PCDH15: variants seen among roughly 807,000 people sequenced by gnomAD.
PCDH15 encodes the protein protocadherin-15.
In PCDH15, 129 loss-of-function variants were observed where a neutral mutation model predicts 178.5. That is an observed-to-expected ratio of 0.72 (90% CI 0.63 to 0.84). PCDH15 has a LOEUF of 0.84. PCDH15 is among the 40% of genes least tolerant of loss of function. The pLI is 0.00. For missense variants in PCDH15, 2,230 were observed against 2,099.9 expected, an observed-to-expected ratio of 1.06 and a Z score of -1.21; for synonymous variants, 800 against 732.0, an observed-to-expected ratio of 1.09 and a Z score of -1.50.
intron 1 of PCDH15, among the ~76,000 whole-genome samples, chr10:55,304,478 C>A (rs1307640325): frequency 6.6e-6 from 1 of 152,124 alleles, no homozygotes; most frequent in African/African-American, 2.4e-5. Flanking sequence ...ATAAATGTAA[C>A]TTATATTAAC....
intron 15 of PCDH15, among the ~76,000 whole-genome samples, chr10:54,116,813 T>C (rs563925086): frequency 1.6e-4 from 25 of 152,226 alleles, no homozygotes; most frequent in Non-Finnish European, 3.4e-4. Context: ...ATTTTATATA[T>C]GTTGAATCTA....
At chr10:53,966,463 A>T (rs1436455988) in intron 21 of PCDH15, among the ~76,000 whole-genome samples, 1 of 151,822 alleles carries the variant, frequency 6.6e-6, no homozygotes, top group East Asian at 1.9e-4. Flanking sequence ...ACTTCTTTCC[A>T]AAGTCTTTTT....
At chr10:55,564,985 A>C (rs1842272411) in intron 2 of PCDH15, among the ~76,000 whole-genome samples, 1 of 151,726 alleles carries the variant, frequency 6.6e-6, no homozygotes, top group Non-Finnish European at 1.5e-5. Flanking sequence ...AGGACTTAAA[A>C]AACACAATAA....
chr10:54,561,980 CTTTTTTTT>C (rs575547228), intron 2 of PCDH15, among the ~76,000 whole-genome samples: 9 of 75,238 alleles, frequency 1.2e-4, no homozygotes, highest in Admixed American at 4.7e-4. Context: ...CCGCACCCAG[CTTTTTTTT>C]TTTTTTTTTT....
At chr10:55,279,613 C>T (rs1244997080) in intron 1 of PCDH15, among the ~76,000 whole-genome samples, 1 of 152,182 alleles carries the variant, frequency 6.6e-6, no homozygotes, top group Admixed American at 6.5e-5. Flanking sequence ...AGAAGCCCCA[C>T]ATTTGCATTT....
chr10:53,856,235 C>G (rs1193696744), intron 28 of PCDH15, among the ~76,000 whole-genome samples: 1 of 148,826 alleles, frequency 6.7e-6, no homozygotes, highest in Non-Finnish European at 1.5e-5. Flanking sequence ...TTCATGTAAC[C>G]AAAAAAAGAA....
At chr10:54,407,081 T>C (rs1038882686) in intron 3 of PCDH15, among the ~76,000 whole-genome samples, 2 of 152,138 alleles carry the variant, frequency 1.3e-5, no homozygotes, top group African/African-American at 4.8e-5. Context: ...AGAAACTTCC[T>C]GAAGGAATGT....
chr10:55,507,046 A>C (rs1466702565), intron 2 of PCDH15, among the ~76,000 whole-genome samples: 1 of 151,584 alleles, frequency 6.6e-6, no homozygotes, highest in Non-Finnish European at 1.5e-5. Flanking sequence ...AATAGAATTT[A>C]AAAAATCAAC....
intron 3 of PCDH15, among the ~76,000 whole-genome samples, chr10:54,508,154 T>C (rs1470687292): frequency 6.6e-6 from 1 of 152,064 alleles, no homozygotes; most frequent in Non-Finnish European, 1.5e-5. Context: ...TCCTACTGTA[T>C]GTGACTCAAA....
chr10:54,878,033 G>T (rs1447181723), intron 3 of PCDH15, among the ~76,000 whole-genome samples: 1 of 138,608 alleles, frequency 7.2e-6, no homozygotes, highest in Non-Finnish European at 1.5e-5. Flanking sequence ...CATGATCTCG[G>T]CTCACTGCAA....
intron 21 of PCDH15, among the ~76,000 whole-genome samples, chr10:53,964,519 T>C (rs1184752090): frequency 7.3e-6 from 1 of 137,544 alleles, no homozygotes; most frequent in African/African-American, 2.7e-5. Context: ...AAATTTTATT[T>C]ATAAAAAATT....
chr10:54,884,090 C>T (rs115658733), intron 3 of PCDH15, among the ~76,000 whole-genome samples: 46 of 152,014 alleles, frequency 3.0e-4, no homozygotes, highest in African/African-American at 6.3e-4. Flanking sequence ...TGGCTCAAAA[C>T]GGTACAACTG....
At chr10:55,267,507 C>G (rs1367964903) in intron 1 of PCDH15, among the ~76,000 whole-genome samples, 1 of 152,150 alleles carries the variant, frequency 6.6e-6, no homozygotes, top group East Asian at 1.9e-4. Flanking sequence ...TTTTTATCAA[C>G]TTTTTATTTC....
At chr10:54,585,587 G>T (rs1277421370) in intron 2 of PCDH15, 1 of 201,954 alleles carries the variant, frequency 5.0e-6, no homozygotes, top group Non-Finnish European at 1.1e-5. Flanking sequence ...CATTTCATTG[G>T]CATCATCAGT....
At chr10:54,602,433 G>A (rs1006393541) in intron 2 of PCDH15, among the ~76,000 whole-genome samples, 2 of 151,894 alleles carry the variant, frequency 1.3e-5, no homozygotes, top group African/African-American at 4.8e-5. Context: ...TATGTCAACT[G>A]TAAACAGAGA....
rs576595384 is a variant in PCDH15 at position 54,857,997 on chromosome 10, C to G, written c.-29+39453G>C. Among the ~76,000 whole-genome samples, 10 of 94,998 alleles carry G rather than the reference C, an allele frequency of 1.1e-4. No individual in the cohort carries two copies. The East Asian group carries it at 2.0e-3, about 19-fold the overall frequency. The allele number at this position is 94,998 out of a possible 152,430, so 62.3% of individuals were successfully genotyped here. A position where few individuals can be genotyped will look rare whatever the true frequency, so the allele number is the denominator to read the frequency against. Reference sequence around the variant, plus strand: ...TTTCGAAATGTACAACGCATTATTACTAACTAGGGTTATGTTGCCTGTGCA... The same window carrying G: ...TTTCGAAATGTACAACGCATTATTAGTAACTAGGGTTATGTTGCCTGTGCA... On this transcript the variant is annotated intron_variant, in intron 3 of 5. Transcript: ENST00000458638.
intron 3 of PCDH15, among the ~76,000 whole-genome samples, chr10:54,401,141 C>A (rs75588769): frequency 6.6e-6 from 1 of 151,908 alleles, no homozygotes; most frequent in South Asian, 2.1e-4. Context: ...GTGCCTGGCT[C>A]TTGTAGATTC....
At chr10:55,268,089 T>C (rs1842347637) in intron 1 of PCDH15, among the ~76,000 whole-genome samples, 1 of 152,218 alleles carries the variant, frequency 6.6e-6, no homozygotes, top group African/African-American at 2.4e-5. Flanking sequence ...ATCAATTAAG[T>C]ATCACAAAAG....
chr10:54,898,493 C>T (rs1280741886), intron 2 of PCDH15, among the ~76,000 whole-genome samples: 2 of 152,028 alleles, frequency 1.3e-5, no homozygotes, highest in African/African-American at 4.8e-5. Flanking sequence ...GATAATCACA[C>T]TATATTTTAT....
Sources: allele counts gnomAD v4.1 joint callset (sites outside exome capture counted in the v4.1 genomes callset), GRCh38; gene constraint gnomAD v4.1.1; transcripts MANE v1.5; gene names NCBI Gene and HGNC (gene_info 2026-07-23, HGNC 2026-07-21).